The following ELP1 variants were observed in gnomAD, a reference collection of about 807,000 sequenced individuals.
ELP1 encodes the protein elongator complex protein 1.
A neutral mutation model predicts 183.2 loss-of-function variants in ELP1; 131 were observed. The observed-to-expected ratio is 0.72, with a 90% CI of 0.62 to 0.83. The LOEUF (loss-of-function observed/expected upper bound fraction) is 0.83, where lower values mean the gene tolerates loss of function less well. Ranked by LOEUF, ELP1 falls within the 40% of genes least tolerant of loss-of-function variation. ELP1 has a pLI of 0.00. For missense variants in ELP1, 1,550 were observed against 1,594.9 expected (o/e 0.97, Z 0.48); for synonymous variants, 555 against 569.0 (o/e 0.98, Z 0.35).
intron 6 of ELP1, among the ~76,000 whole-genome samples, chr9:108,922,476 A>T (rs977242495): frequency 1.3e-5 from 2 of 152,236 alleles, no homozygotes; most frequent in Non-Finnish European, 2.9e-5. Flanking sequence ...CATATATGGG[A>T]AAAGTATGAG....
rs1829698815 is a variant in ELP1 at position 108,922,892 on chromosome 9, T to C, written c.502A>G (p.Thr168Ala). ...FITVGWGRKE[T>A]QFHGSEGRQA... ...CTGCCTTCTGATCCATGGAACTGTG[T>C]CTCCTTCCTACCCCATCCAACAGTG... Residue 168 changes from threonine (T) to alanine (A), a missense_variant, in exon 6 of 37, where the codon ACA (threonine) becomes GCA (alanine). Transcript: ENST00000374647. 1 of 1,614,024 alleles carries C rather than the reference T, an allele frequency of 6.2e-7. No individual in the cohort carries two copies.
In ELP1 at chr9:108,898,946, G is replaced by A. The variant is rs76493188; in HGVS notation, c.2205-197C>T. ...ACATTCATTTACCTTCTTAAAAGGT[G>A]TAATTTAGTCATCATGACTGTCTGA... On this transcript the variant is annotated intron_variant, in intron 20 of 36. Coordinates refer to ENST00000374647, the MANE Select transcript of ELP1 (RefSeq NM_003640.5). Among the ~76,000 whole-genome samples, 13,022 of 152,134 alleles carry A rather than the reference G, an allele frequency of 0.086. 797 individuals carry two copies. Among genetic ancestry groups the A allele is most frequent in the African/African-American group, 0.17 (6,905 of 41,474 alleles).
intron 33 of ELP1, among the ~76,000 whole-genome samples, chr9:108,879,046 G>A (rs552777588): frequency 5.9e-5 from 9 of 152,106 alleles, no homozygotes; most frequent in Non-Finnish European, 1.2e-4. Flanking sequence ...TACTATATTT[G>A]GTAAAAGTGT....
intron 1 of ELP1, among the ~76,000 whole-genome samples, chr9:108,932,745 C>T (rs3793565): frequency 1.2e-3 from 189 of 152,276 alleles, no homozygotes; most frequent in East Asian, 0.01. Flanking sequence ...GAAGACTTCC[C>T]TCCACTTCTT....
Position 108,878,693 on chromosome 9 carries a change from G to C in ELP1, c.3630C>G (p.Gly1210=). Residue 1210 remains glycine, a synonymous_variant, in exon 34 of 37, where the codon GGC becomes GGG. Transcript: ENST00000374647. The stretch of plus-strand genomic sequence containing the variant: ...GGAGGGCCAGGTCCTCCAGCGGACT[G>C]CCTTCTTTGAGGCTGTGCTTCTTCC... ...AERKKHSLKE[G]SPLEDLALLE... The C allele has an allele frequency of 6.2e-7, 1 of 1,614,170 alleles. No individual in the cohort carries two copies. Among genetic ancestry groups the C allele is most frequent in the Non-Finnish European group, 8.5e-7 (1 of 1,180,020 alleles).
chr9:108,879,979 C>A, intron 32 of ELP1, 73 bp downstream of exon 32: 1 of 967,466 alleles, frequency 1.0e-6, no homozygotes, highest in South Asian at 1.3e-5. Context: ...GATCACCAAG[C>A]AATCTAGACA....
chr9:108,897,307 A>T, intron 22 of ELP1, 22 bp from the exon 23 acceptor site: 1 of 1,613,716 alleles, frequency 6.2e-7, no homozygotes, highest in Non-Finnish European at 8.5e-7. Context: ...TGTGTATGGA[A>T]TGGTCATCAA....
chr9:108,931,028 C>A lies in ELP1; in HGVS notation c.119G>T (p.Gly40Val), dbSNP rs1829988830. The A allele has an allele frequency of 1.2e-6, 2 of 1,614,132 alleles. No individual in the cohort carries two copies. Among genetic ancestry groups the A allele is most frequent in the East Asian group, 4.5e-5 (2 of 44,876 alleles). ...QGTVLIGSEH[G>V]LIEVDPVSRE... Reference sequence around the variant, plus strand: ...TGAGACAGGGTCTACTTCTATCAGGCCATGTTCTGAACCAATGAGCACCGT... The same window carrying A: ...TGAGACAGGGTCTACTTCTATCAGGACATGTTCTGAACCAATGAGCACCGT... Residue 40 changes from glycine (G) to valine (V), a missense_variant, in exon 2 of 37, where the codon GGC (glycine) becomes GTC (valine). Transcript: ENST00000374647.
rs200532312 is a variant in ELP1, at chr9:108,900,365, G to A, written c.2025C>T (p.Ala675=). 199 of 1,613,456 alleles carry A rather than the reference G, an allele frequency of 1.2e-4. No individual in the cohort carries two copies. Among genetic ancestry groups the A allele is most frequent in the Middle Eastern group, 3.3e-4 (2 of 6,056 alleles). Residue 675 remains alanine (A), a synonymous_variant, in exon 19 of 37, where the codon GCC becomes GCT. Transcript: ENST00000374647. ...GGGACACATGATTGCTGCTCAGGCC[G>A]GCCTGTAATGCTAAACACACCATTA... ...LRDASFKTLQ[A]GLSSNHVSHG...
At chr9:108,933,158 A>G (rs1830054852) in intron 1 of ELP1, among the ~76,000 whole-genome samples, 1 of 152,220 alleles carries the variant, frequency 6.6e-6, no homozygotes, top group South Asian at 2.1e-4. Context: ...CGACCTGGAA[A>G]GCAAAGAACT....
chr9:108,898,433 G>T, intron 22 of ELP1, 69 bp downstream of exon 22: 1 of 1,031,824 alleles, frequency 9.7e-7, no homozygotes, highest in Non-Finnish European at 1.5e-6. Flanking sequence ...AGCTATTTAT[G>T]CTTGATTTCC....
At chr9:108,875,359 A>C (rs1827670799) in intron 35 of ELP1, among the ~76,000 whole-genome samples, 1 of 152,242 alleles carries the variant, frequency 6.6e-6, no homozygotes, top group Non-Finnish European at 1.5e-5. Flanking sequence ...TTTAGGTTGA[A>C]ATAAATACAA....
intron 36 of ELP1, 136 bp from the exon 37 acceptor site, chr9:108,869,318 C>G (rs996904346): frequency 3.9e-6 from 3 of 767,070 alleles, no homozygotes; most frequent in Non-Finnish European, 6.9e-6. Flanking sequence ...GTTCATGTGT[C>G]TGCTACCCCT....
chr9:108,883,105 C>T (rs1305670905), intron 29 of ELP1, among the ~76,000 whole-genome samples: 1 of 152,052 alleles, frequency 6.6e-6, no homozygotes, highest in Admixed American at 6.5e-5. Flanking sequence ...TAATTCTAAC[C>T]ATCCATTGCC....
At chr9:108,872,765 A>G (rs1827514036) in intron 36 of ELP1, among the ~76,000 whole-genome samples, 1 of 124,536 alleles carries the variant, frequency 8.0e-6, no homozygotes, top group Non-Finnish European at 1.6e-5. Context: ...AGATTGCGCC[A>G]CTGCACTCCC....
Position 108,897,128 on chromosome 9 carries a change from C to T in ELP1, c.2501+20G>A. 1 of 1,614,140 alleles carries T rather than the reference C, an allele frequency of 6.2e-7. No individual in the cohort carries two copies. Reference sequence around the variant, plus strand: ...CACTTCGGTTTTTCAAAGGATGCCACCTGGTGACAGCATACATACTTATGA... The same window carrying T: ...CACTTCGGTTTTTCAAAGGATGCCATCTGGTGACAGCATACATACTTATGA... On this transcript the variant is annotated intron_variant, in intron 23 of 36. Transcript: ENST00000374647.
At chr9:108,869,881 A>G (rs1488189793) in intron 36 of ELP1, among the ~76,000 whole-genome samples, 1 of 152,250 alleles carries the variant, frequency 6.6e-6, no homozygotes, top group Non-Finnish European at 1.5e-5. Flanking sequence ...AAATCTGTAC[A>G]TATGAGCCAT....
intron 18 of ELP1, 26 bp from the exon 19 acceptor site, chr9:108,900,401 C>A (rs776261053): frequency 1.3e-6 from 2 of 1,521,338 alleles, no homozygotes; most frequent in South Asian, 2.2e-5. Context: ...ACTAATAAGC[C>A]TTAATTATCA....
At chr9:108,914,243 C>T (rs1829343149) in intron 10 of ELP1, among the ~76,000 whole-genome samples, 1 of 151,512 alleles carries the variant, frequency 6.6e-6, no homozygotes, top group African/African-American at 2.4e-5. Flanking sequence ...ACCAAAAATA[C>T]AAAAAATTAG....
Sources: allele counts gnomAD v4.1 joint callset (sites outside exome capture counted in the v4.1 genomes callset), GRCh38; gene constraint gnomAD v4.1.1; transcripts MANE v1.5; gene names NCBI Gene and HGNC (gene_info 2026-07-23, HGNC 2026-07-21).